The following TOPBP1 variants were observed in gnomAD, a reference collection of about 807,000 sequenced individuals.
TOPBP1 encodes the protein DNA topoisomerase II binding protein 1, also known as DNA topoisomerase 2-binding protein 1.
In TOPBP1, 28 loss-of-function variants were observed where a neutral mutation model predicts 167.7. That is an observed-to-expected ratio of 0.17 (90% CI 0.12 to 0.23). The LOEUF is 0.23. TOPBP1 is among the 10% of genes least tolerant of loss of function. TOPBP1 has a pLI of 1.00. For synonymous variants in TOPBP1, 598 were observed against 611.4 expected (o/e 0.98, Z 0.32); for missense variants, 1,554 against 1,809.6 (o/e 0.86, Z 2.56).
rs757364753 is a variant in TOPBP1 at position 133,655,402 on chromosome 3, T to C, written c.630A>G (p.Leu210=). 4 of 1,606,504 alleles carry C rather than the reference T, an allele frequency of 2.5e-6. No individual in the cohort carries two copies. The highest frequency in any genetic ancestry group is 3.4e-6 in the Non-Finnish European group (4 of 1,176,440). The change falls in exon 6 of 28, where the codon TTA becomes TTG. Residue 210 remains leucine, a synonymous_variant. Transcript: ENST00000260810. ...GAACTTCTTTCCTGTCTAAGCCACA[T>C]AAGCCAGTCACACAGATTATGCAAC... ...FLGCIICVTG[L]CGLDRKEVQQ... is the part of the protein sequence containing the mutation.
chr3:133,651,942 T>C (rs934597750), intron 8 of TOPBP1, among the ~76,000 whole-genome samples: 1 of 152,308 alleles, frequency 6.6e-6, no homozygotes, highest in African/African-American at 2.4e-5. Flanking sequence ...AGTCCAAACC[T>C]GGGCAACATA....
At chr3:133,651,409 C>T (rs1467612184) in intron 8 of TOPBP1, among the ~76,000 whole-genome samples, 1 of 151,682 alleles carries the variant, frequency 6.6e-6, no homozygotes, top group Non-Finnish European at 1.5e-5. Flanking sequence ...AGGCTGGTCT[C>T]CAACTCCTGA....
At chr3:133,632,953 TG>T (rs1935538916) in intron 14 of TOPBP1, among the ~76,000 whole-genome samples, 1 of 152,086 alleles carries the variant, frequency 6.6e-6, no homozygotes, top group African/African-American at 2.4e-5. Flanking sequence ...TTGTGTATTT[TG>T]TAGAGACAGG....
chr3:133,658,603 A>G (rs1212866867), intron 3 of TOPBP1, among the ~76,000 whole-genome samples: 1 of 151,980 alleles, frequency 6.6e-6, no homozygotes, highest in East Asian at 1.9e-4. Context: ...CAGGAGTTCA[A>G]GACCAGCCCA....
At chr3:133,645,044 C>T (rs1005609907) in intron 10 of TOPBP1, among the ~76,000 whole-genome samples, 1 of 152,196 alleles carries the variant, frequency 6.6e-6, no homozygotes, top group Non-Finnish European at 1.5e-5. Context: ...TAAGGTCACA[C>T]AGTTAAGTGG....
Position 133,637,207 on chromosome 3 carries a change from G to A in TOPBP1, c.2520+669C>T, listed in dbSNP as rs143705056. Among the ~76,000 whole-genome samples the A allele has an allele frequency of 5.3e-5, 8 of 152,228 alleles. No individual in the cohort carries two copies. The East Asian group carries it at 1.5e-3, about 29-fold the overall frequency. On this transcript the variant is annotated intron_variant, in intron 14 of 27. Coordinates refer to ENST00000260810, the MANE Select transcript of TOPBP1 (RefSeq NM_007027.4). ...AAGGTTCGTGGATAAAGAAATCATA[G>A]ACAGTGGGTTTGAACAGCCACTTAA...
At position 133,617,177 on chromosome 3, in the gene TOPBP1, G is replaced by A. The variant is rs1934921865; in HGVS notation, c.3742C>T (p.Pro1248Ser). ...CAACAAACCTTTTCTCTAGGGTGCG[G>A]AGCCACAGGGGGGTTGGCGAGTGGA... ...AFPLANPPVA[P>S]HPREKIITIE... Residue 1248 changes from proline (P) to serine (S), a missense_variant, in exon 22 of 28, where the codon CCG (proline) becomes TCG (serine). This residue lies in a region of TOPBP1 where 351 missense variants were observed against 432.9 expected (regional missense o/e 0.81). Transcript: ENST00000260810. 6.2e-7 allele frequency: 1 copy of A among 1,612,380 alleles called. No homozygotes were observed.
intron 27 of TOPBP1, among the ~76,000 whole-genome samples, chr3:133,602,425 G>A (rs1442906284): frequency 6.6e-6 from 1 of 152,250 alleles, no homozygotes; most frequent in East Asian, 1.9e-4. Flanking sequence ...GTTATCAGAT[G>A]GAAACTCAGA....
At chr3:133,607,024 C>T (rs4241354) in intron 27 of TOPBP1, among the ~76,000 whole-genome samples, 131,264 of 152,108 alleles carry the variant, frequency 0.86, 56,754 homozygotes, top group East Asian at 0.97. Context: ...TACAAACACT[C>T]TGTACAAATT....
At chr3:133,632,448 G>A (rs941462178) in intron 14 of TOPBP1, among the ~76,000 whole-genome samples, 2 of 152,092 alleles carry the variant, frequency 1.3e-5, no homozygotes, top group Non-Finnish European at 2.9e-5. Flanking sequence ...TCGGTCTGGG[G>A]TAGTTCTTTA....
chr3:133,615,976 T>C (rs1055564717), intron 23 of TOPBP1, among the ~76,000 whole-genome samples: 3 of 152,190 alleles, frequency 2.0e-5, no homozygotes, highest in Admixed American at 6.5e-5. Flanking sequence ...TCTGTTTCTA[T>C]TGGACAGTGC....
chr3:133,631,260 T>G (rs1297171510), intron 14 of TOPBP1, among the ~76,000 whole-genome samples: 1 of 152,208 alleles, frequency 6.6e-6, no homozygotes, highest in Non-Finnish European at 1.5e-5. Context: ...TACAAACGTA[T>G]TTTCAGATGG....
At chr3:133,612,670 CAA>C in intron 23 of TOPBP1, 118 bp from the exon 24 acceptor site, 1 of 872,602 alleles carries the variant, frequency 1.1e-6, no homozygotes, top group African/African-American at 1.7e-5. Context: ...CCATTTAAAC[CAA>C]AAAAACTTGA....
chr3:133,617,255 G>C lies in TOPBP1; in HGVS notation c.3664C>G (p.Pro1222Ala). Reference sequence around the variant, plus strand: ...GGGATCAGGTGGCTGTCTTTTATGGGAGTTTCCAGTTCTTCAGAGATTGGG... The same window carrying C: ...GGGATCAGGTGGCTGTCTTTTATGGCAGTTTCCAGTTCTTCAGAGATTGGG... ...KHPISEELET[P>A]IKDSHLIPTP... Residue 1222 changes from proline (P) to alanine (A), a missense_variant, in exon 22 of 28, where the codon CCC (proline) becomes GCC (alanine). Transcript: ENST00000260810. The C allele has an allele frequency of 6.2e-7, 1 of 1,613,852 alleles. No homozygotes were observed.
In TOPBP1 at chr3:133,616,893, T is replaced by A. The variant is rs770033871; in HGVS notation, c.3792A>T (p.Leu1264Phe). The A allele has an allele frequency of 6.5e-7, 1 of 1,546,066 alleles. No homozygotes were observed. Among genetic ancestry groups the A allele is most frequent in the Non-Finnish European group, 8.7e-7 (1 of 1,148,248 alleles). Residue 1264 changes from leucine to phenylalanine, a missense_variant, in exon 23 of 28, where the codon TTA (leucine) becomes TTT (phenylalanine). By Grantham distance (22) the Leu-to-Phe change is conservative. This residue lies in a region of TOPBP1 where 351 missense variants were observed against 432.9 expected (regional missense o/e 0.81). Transcript: ENST00000260810. ...IITIEETHEE[L>F]KKQYIFQLSS... ...ATAACTGAAATATGTACTGTTTTTT[T>A]AATTCTTCATGAGTCTCCTCTATCG... is the stretch of plus-strand genomic sequence containing the variant.
In TOPBP1 at chr3:133,656,921, C is replaced by T. The variant is rs1040452098; in HGVS notation, c.364-64G>A. 98 of 1,362,796 alleles carry T rather than the reference C, an allele frequency of 7.2e-5. 1 individual carries two copies. Among genetic ancestry groups the T allele is most frequent in the Non-Finnish European group, 1.5e-5 (16 of 1,041,386 alleles). The allele number at this position is 1,362,796 out of a possible 1,614,324, so 84.4% of individuals were successfully genotyped here. A position where few individuals can be genotyped will look rare whatever the true frequency, so the allele number is the denominator to read the frequency against. On this transcript the variant is annotated intron_variant, in intron 4 of 27. Transcript: ENST00000260810. Reference sequence around the variant, plus strand: ...ACAATATTGCTTCCACTTTTATACACTATCTCATAAATACATTTTGCTGTT... The same window carrying T: ...ACAATATTGCTTCCACTTTTATACATTATCTCATAAATACATTTTGCTGTT...
intron 24 of TOPBP1, among the ~76,000 whole-genome samples, chr3:133,612,044 C>T (rs1301144850): frequency 2.8e-5 from 4 of 141,072 alleles, no homozygotes; most frequent in Non-Finnish European, 4.7e-5. Flanking sequence ...CCAACACTTA[C>T]TTTTTTTTTT....
intron 23 of TOPBP1, among the ~76,000 whole-genome samples, chr3:133,613,275 A>G (rs1934744250): frequency 6.6e-6 from 1 of 152,246 alleles, no homozygotes; most frequent in Admixed American, 6.5e-5. Flanking sequence ...TGCCATTATC[A>G]GATCTAATAG....
At chr3:133,609,942 A>G (rs1013475599) in intron 25 of TOPBP1, among the ~76,000 whole-genome samples, 9 of 152,176 alleles carry the variant, frequency 5.9e-5, no homozygotes, top group African/African-American at 1.7e-4. Flanking sequence ...CCCAAACCTT[A>G]TGGGTGATTT....
Sources: gnomAD v4.1 joint callset for allele counts (sites outside exome capture counted in the v4.1 genomes callset) on GRCh38, gnomAD v4.1.1 for gene constraint, gnomAD v4.1.1 regional missense constraint, MANE v1.5 for transcripts, NCBI Gene and HGNC (gene_info 2026-07-23, HGNC 2026-07-21) for gene names.